AUTS2: variants seen among roughly 807,000 people sequenced by gnomAD.
AUTS2 encodes the protein activator of transcription and developmental regulator AUTS2.
Under a neutral mutation model 112.4 loss-of-function variants are expected in AUTS2, and 17 were observed. The ratio of observed to expected loss-of-function variants is 0.15; its 90% CI spans 0.10 to 0.23. The LOEUF (loss-of-function observed/expected upper bound fraction) is 0.23, where lower values mean the gene tolerates loss of function less well. Ranked by LOEUF, AUTS2 falls within the 10% of genes least tolerant of loss-of-function variation. The pLI, the probability that AUTS2 is intolerant of heterozygous loss-of-function variation, is 1.00. For missense variants in AUTS2, 1,510 were observed against 1,701.6 expected, an observed-to-expected ratio of 0.89 and a Z score of 1.98; for synonymous variants, 751 against 702.7, an observed-to-expected ratio of 1.07 and a Z score of -1.09.
chr7:70,791,066 A>AACTC lies in AUTS2; in HGVS notation c.*71_*74dup, dbSNP rs1191837575. Reference sequence around the variant, plus strand: ...ACACCAGGCCAGGCTTGAGAGACAGAACTCCTGCATGGCTCACACAGACTG... The same window carrying AACTC: ...ACACCAGGCCAGGCTTGAGAGACAGAACTCACTCCTGCATGGCTCACACAGACTG... On this transcript the variant is annotated 3_prime_UTR_variant, in exon 19 of 19. Coordinates refer to ENST00000342771, the MANE Select transcript of AUTS2 (RefSeq NM_015570.4). The AACTC allele has an allele frequency of 7.1e-7, 1 of 1,400,952 alleles. No individual in the cohort carries two copies. Among genetic ancestry groups the AACTC allele is most frequent in the Non-Finnish European group, 9.3e-7 (1 of 1,078,938 alleles). The allele number at this position is 1,400,952 out of a possible 1,614,324, so 86.8% of individuals were successfully genotyped here. A position where few individuals can be genotyped will look rare whatever the true frequency, so the allele number is the denominator to read the frequency against.
At chr7:69,953,373 T>G (rs1213725962) in intron 2 of AUTS2, among the ~76,000 whole-genome samples, 1 of 152,122 alleles carries the variant, frequency 6.6e-6, no homozygotes, top group Non-Finnish European at 1.5e-5. Flanking sequence ...TTAGTATGAT[T>G]TTTTTTTCTT....
chr7:69,809,891 C>T (rs1790473858), intron 1 of AUTS2, among the ~76,000 whole-genome samples: 1 of 152,226 alleles, frequency 6.6e-6, no homozygotes, highest in Non-Finnish European at 1.5e-5. Flanking sequence ...CCTCCTGATC[C>T]TCTGTCTGCC....
chr7:70,637,791 A>G (rs1166478036), intron 5 of AUTS2, among the ~76,000 whole-genome samples: 1 of 152,134 alleles, frequency 6.6e-6, no homozygotes, highest in African/African-American at 2.4e-5. Context: ...CTTTTGGGTA[A>G]ATAGGCAGAT....
intron 4 of AUTS2, among the ~76,000 whole-genome samples, chr7:70,384,096 G>A (rs767088282): frequency 6.6e-5 from 10 of 152,324 alleles, no homozygotes; most frequent in East Asian, 5.8e-4. Context: ...GAAGCTTGAC[G>A]GGAACATCCT....
intron 1 of AUTS2, among the ~76,000 whole-genome samples, chr7:69,728,758 T>A (rs1202035665): frequency 3.4e-5 from 5 of 149,062 alleles, no homozygotes; most frequent in African/African-American, 1.2e-4. Context: ...GCTGAGTCCC[T>A]CTTTCTGAAA....
At chr7:69,914,101 A>G (rs905573214) in intron 2 of AUTS2, among the ~76,000 whole-genome samples, 7 of 151,722 alleles carry the variant, frequency 4.6e-5, no homozygotes, top group African/African-American at 1.7e-4. Context: ...ATAATTATAG[A>G]TTTTTCTTTC....
chr7:70,402,657 C>T (rs913114611), intron 4 of AUTS2, among the ~76,000 whole-genome samples: 17 of 152,180 alleles, frequency 1.1e-4, no homozygotes, highest in African/African-American at 2.9e-4. Flanking sequence ...TGGGGATGGG[C>T]GTGGGTTAGA....
At chr7:69,872,926 T>C (rs1793569342) in intron 1 of AUTS2, among the ~76,000 whole-genome samples, 1 of 140,904 alleles carries the variant, frequency 7.1e-6, no homozygotes, top group African/African-American at 2.7e-5. Flanking sequence ...CACTGCAACC[T>C]TAGCCTGCCA....
chr7:70,743,650 C>T (rs1270198967), intron 6 of AUTS2, among the ~76,000 whole-genome samples: 1 of 152,030 alleles, frequency 6.6e-6, no homozygotes, highest in Non-Finnish European at 1.5e-5. Context: ...GGGAAACATC[C>T]TTGGTTATGT....
intron 5 of AUTS2, among the ~76,000 whole-genome samples, chr7:70,624,100 T>A (rs1804818070): frequency 6.6e-6 from 1 of 152,246 alleles, no homozygotes; most frequent in Non-Finnish European, 1.5e-5. Flanking sequence ...TTAATGTTTA[T>A]ACCTTGGGCT....
rs543013718 is a variant in AUTS2 at position 70,527,356 on chromosome 7, G to A, written c.690+91575G>A. Among the ~76,000 whole-genome samples the A allele has an allele frequency of 8.1e-4, 123 of 151,924 alleles. 1 individual carries two copies. Among genetic ancestry groups the A allele is most frequent in the Admixed American group, 2.2e-3 (34 of 15,276 alleles). On this transcript the variant is annotated intron_variant, in intron 5 of 18. Transcript: ENST00000342771. ...GAACTGCTCACTGATCTCTTTTTTTGGGGGGGTTGAACCCCTGCCCATCTT... is the reference window on the plus strand; with the variant it reads ...GAACTGCTCACTGATCTCTTTTTTTAGGGGGGTTGAACCCCTGCCCATCTT...
chr7:70,679,145 G>C (rs1315875616), intron 5 of AUTS2, among the ~76,000 whole-genome samples: 1 of 152,108 alleles, frequency 6.6e-6, no homozygotes. Flanking sequence ...GAGTTTTTGG[G>C]TGTTATTCTC....
chr7:70,113,183 A>C (rs1384243598), intron 2 of AUTS2, among the ~76,000 whole-genome samples: 1 of 152,116 alleles, frequency 6.6e-6, no homozygotes, highest in African/African-American at 2.4e-5. Flanking sequence ...TGTACACTTA[A>C]AGATACAATA....
intron 2 of AUTS2, among the ~76,000 whole-genome samples, chr7:69,962,433 T>A (rs141082636): frequency 6.6e-6 from 1 of 152,260 alleles, no homozygotes; most frequent in African/African-American, 2.4e-5. Flanking sequence ...AAGTACACAT[T>A]TATCATGGGA....
intron 15 of AUTS2, chr7:70,782,053 T>C (rs1791123340): frequency 2.9e-6 from 1 of 346,280 alleles, no homozygotes; most frequent in African/African-American, 2.1e-5. Context: ...TCAGTTGCTA[T>C]TGAGAAAGAT....
At chr7:70,497,340 C>T (rs544990570) in intron 5 of AUTS2, among the ~76,000 whole-genome samples, 2 of 152,248 alleles carry the variant, frequency 1.3e-5, no homozygotes, top group East Asian at 1.9e-4. Flanking sequence ...ATCACGTACA[C>T]AGTCGCACAG....
At chr7:70,406,647 G>A (rs1255982029) in intron 4 of AUTS2, among the ~76,000 whole-genome samples, 1 of 152,176 alleles carries the variant, frequency 6.6e-6, no homozygotes, top group Non-Finnish European at 1.5e-5. Flanking sequence ...CTTCCTCTCA[G>A]GCCTCATCTG....
At chr7:70,658,277 T>C (rs953355775) in intron 5 of AUTS2, among the ~76,000 whole-genome samples, 24 of 152,306 alleles carry the variant, frequency 1.6e-4, no homozygotes, top group African/African-American at 5.8e-4. Context: ...CTGGAGGCCC[T>C]GGGGAACTGT....
chr7:69,707,097 T>C (rs1266221737), intron 1 of AUTS2, among the ~76,000 whole-genome samples: 1 of 152,234 alleles, frequency 6.6e-6, no homozygotes, highest in Non-Finnish European at 1.5e-5. Context: ...CTGTTTCACA[T>C]TTTAAAATTT....
Sources: gnomAD v4.1 joint callset for allele counts (sites outside exome capture counted in the v4.1 genomes callset) on GRCh38, gnomAD v4.1.1 for gene constraint, MANE v1.5 for transcripts, NCBI Gene and HGNC (gene_info 2026-07-23, HGNC 2026-07-21) for gene names.